Variants in CSNK1G2 observed in about 807,000 individuals in gnomAD.
The protein encoded by CSNK1G2 is casein kinase I isoform gamma-2.
CSNK1G2 carries 11 observed loss-of-function variants against 48.0 expected under a neutral mutation model. The observed-to-expected ratio is 0.23, with a 90% CI of 0.14 to 0.38. The LOEUF is 0.38. CSNK1G2 is among the 10% of genes least tolerant of loss of function. CSNK1G2 has a pLI of 1.00. For missense variants in CSNK1G2, 446 were observed against 595.5 expected (o/e 0.75, Z 2.61); for synonymous variants, 337 against 254.1 (o/e 1.33, Z -3.10).
chr19:1,952,456 G>A (rs1474592091), intron 1 of CSNK1G2: 2 of 152,250 alleles, frequency 1.3e-5, no homozygotes, highest in Non-Finnish European at 2.9e-5. Context: ...CCGAGTAGCT[G>A]GGATTACAGG....
chr19:1,965,217 A>C (rs1045710901), intron 1 of CSNK1G2, among the ~76,000 whole-genome samples: 3 of 150,168 alleles, frequency 2.0e-5, no homozygotes, highest in African/African-American at 7.3e-5. Flanking sequence ...CCGCGTCTCT[A>C]CTAAAAATAC....
chr19:1,976,425 T>C (rs1211685285), intron 2 of CSNK1G2, among the ~76,000 whole-genome samples: 1 of 152,198 alleles, frequency 6.6e-6, no homozygotes, highest in East Asian at 1.9e-4. Flanking sequence ...TTTAGGGAAC[T>C]TGACAAGCTG....
chr19:1,979,391 G>A lies in CSNK1G2; in HGVS notation c.841G>A (p.Glu281Lys), dbSNP rs750798326. ...KRATPIEVLC[E>K]NFPEEMATYL... ...CGCCACGCCCATCGAGGTGCTCTGC[G>A]AGAACTTCCCAGGTAAGGGGTCCCT... Residue 281 changes from glutamate (E) to lysine (K), a missense_variant, in exon 8 of 12, where the codon GAG (glutamate) becomes AAG (lysine). Coordinates refer to ENST00000255641, the MANE Select transcript of CSNK1G2 (RefSeq NM_001319.7). 7 of 1,591,248 alleles carry A rather than the reference G, an allele frequency of 4.4e-6. No homozygotes were observed. In the South Asian group the frequency reaches 5.7e-5, roughly 13 times the overall value.
Position 1,959,613 on chromosome 19 carries a change from C to T in CSNK1G2, c.-265-9895C>T, listed in dbSNP as rs1417894555. 8.9e-5 allele frequency among the ~76,000 whole-genome samples: 11 copies of T among 123,810 alleles called. 1 individual carries two copies. The highest frequency in any genetic ancestry group is 1.5e-4 in the Non-Finnish European group (9 of 60,558). The allele number at this position is 123,810 out of a possible 152,430, so 81.2% of individuals were successfully genotyped here. On this transcript the variant is annotated intron_variant, in intron 1 of 11. Transcript: ENST00000255641. Reference sequence around the variant, plus strand: ...ACCTTTAGTGCCACCCTGAGTCCCCCAGCACCCGTGCCACCTTTAGTGCCA... The same window carrying T: ...ACCTTTAGTGCCACCCTGAGTCCCCTAGCACCCGTGCCACCTTTAGTGCCA...
Position 1,968,328 on chromosome 19 carries a change from T to C in CSNK1G2, c.-265-1180T>C, listed in dbSNP as rs867796921. Among the ~76,000 whole-genome samples, 442 of 106,778 alleles carry C rather than the reference T, an allele frequency of 4.1e-3. 1 individual carries two copies. In the Middle Eastern group the frequency reaches 0.042, roughly 10 times the overall value. 70.1% of individuals were successfully genotyped at this position (106,778 alleles called of 152,430 possible). ...TCCTCCCTCCTCCCCAGGCTGCCCC[T>C]GACCACCCTTCAGTTCTGCAGGTGG... On this transcript the variant is annotated intron_variant, in intron 1 of 11. Transcript: ENST00000255641.
intron 1 of CSNK1G2, among the ~76,000 whole-genome samples, chr19:1,964,297 AAAAAAC>A (rs1316394914): frequency 6.7e-6 from 1 of 148,678 alleles, no homozygotes; most frequent in African/African-American, 2.6e-5. Context: ...TGTGTTAAAA[AAAAAAC>A]AAAAAAAAAC....
rs1295273220 is a variant in CSNK1G2, at chr19:1,975,763, C to T, written c.188-2542C>T. Reference sequence around the variant, plus strand: ...TAAAACTTCGAAATCTGACCAGGCACAGTGGCTCACGCCTGTAATCCCAAC... The same window carrying T: ...TAAAACTTCGAAATCTGACCAGGCATAGTGGCTCACGCCTGTAATCCCAAC... On this transcript the variant is annotated intron_variant, in intron 2 of 11. Transcript: ENST00000255641. 3.8e-5 allele frequency: 37 copies of T among 985,296 alleles called. No individual in the cohort carries two copies. In the Middle Eastern group the frequency reaches 2.6e-3, roughly 69 times the overall value. The allele number at this position is 985,296 out of a possible 1,614,324, so 61.0% of individuals were successfully genotyped here. A position where few individuals can be genotyped will look rare whatever the true frequency, so the allele number is the denominator to read the frequency against.
chr19:1,963,435 A>G (rs933766333), intron 1 of CSNK1G2, among the ~76,000 whole-genome samples: 12 of 151,280 alleles, frequency 7.9e-5, no homozygotes, highest in African/African-American at 2.4e-4. Context: ...GATGGTCTCT[A>G]TCTCCTGACC....
intron 8 of CSNK1G2, 31 bp downstream of exon 8, chr19:1,979,434 CCCCCA>C: frequency 1.0e-6 from 1 of 996,992 alleles, no homozygotes; most frequent in Non-Finnish European, 1.4e-6. Flanking sequence ...CGCCCTGTGC[CCCCCA>C]CCCCCCACCC....
chr19:1,971,334 C>T (rs1045630663), intron 2 of CSNK1G2, among the ~76,000 whole-genome samples: 9 of 152,204 alleles, frequency 5.9e-5, no homozygotes, highest in Non-Finnish European at 1.2e-4. Context: ...TCCACCTCTG[C>T]GCAGAGGCTG....
rs571930706 is a variant in CSNK1G2 at position 1,950,933 on chromosome 19, G to T, written c.-266+9515G>T. 8.2e-5 allele frequency among the ~76,000 whole-genome samples: 12 copies of T among 146,232 alleles called. 2 individuals are homozygous for T. The highest frequency in any genetic ancestry group is 3.4e-3 in the Middle Eastern group (1 of 292). The stretch of plus-strand genomic sequence containing the variant: ...GAGCTGGGCGTTTATTCGCCTTGGT[G>T]CCCCCCTAGATCCCTGGGTGATCCC... On this transcript the variant is annotated intron_variant, in intron 1 of 11. Coordinates refer to ENST00000255641, the MANE Select transcript of CSNK1G2 (RefSeq NM_001319.7).
At chr19:1,941,631 C>G (rs868732711) in intron 1 of CSNK1G2, among the ~76,000 whole-genome samples, 1 of 149,416 alleles carries the variant, frequency 6.7e-6, no homozygotes, top group African/African-American at 2.5e-5. Flanking sequence ...CGCAACACCC[C>G]GTTGACCCTG....
chr19:1,952,345 C>T (rs2014795876), intron 1 of CSNK1G2, among the ~76,000 whole-genome samples: 1 of 151,220 alleles, frequency 6.6e-6, no homozygotes, highest in South Asian at 2.1e-4. Flanking sequence ...TTTCTTGAGA[C>T]AGAGTCTTGC....
At chr19:1,946,512 C>A (rs1053568841) in intron 1 of CSNK1G2, among the ~76,000 whole-genome samples, 1 of 150,874 alleles carries the variant, frequency 6.6e-6, no homozygotes, top group Non-Finnish European at 1.5e-5. Flanking sequence ...AGGATGGTCT[C>A]GATCTCCTGA....
Position 1,980,659 on chromosome 19 carries a change from C to T in CSNK1G2, c.*456C>T. The T allele has an allele frequency of 4.7e-6, 1 of 211,822 alleles. No homozygotes were observed. The highest frequency in any genetic ancestry group is 9.7e-6 in the Non-Finnish European group (1 of 102,740). The allele number at this position is 211,822 out of a possible 1,614,324, so 13.1% of individuals were successfully genotyped here. ...TTTCTCGAGGGGAGGGCAGGCCCGGCCTGGAGGGGTGCTGTGGAGCTGTCT... is the reference window on the plus strand; with the variant it reads ...TTTCTCGAGGGGAGGGCAGGCCCGGTCTGGAGGGGTGCTGTGGAGCTGTCT... On this transcript the variant is annotated 3_prime_UTR_variant, in exon 12 of 12. Coordinates refer to ENST00000255641, the MANE Select transcript of CSNK1G2 (RefSeq NM_001319.7).
Position 1,981,318 on chromosome 19 carries a change from T to G in CSNK1G2, c.*1115T>G, listed in dbSNP as rs943595427. The G allele has an allele frequency of 6.6e-6, 1 of 152,022 alleles. No individual in the cohort carries two copies. Among genetic ancestry groups the G allele is most frequent in the African/African-American group, 2.4e-5 (1 of 41,378 alleles). 9.4% of individuals were successfully genotyped at this position (152,022 alleles called of 1,614,324 possible). On this transcript the variant is annotated 3_prime_UTR_variant, in exon 12 of 12. Transcript: ENST00000255641. ...GAATTTAGGGGCTTTTTTAAAAAAA[T>G]AAAAGAAAAATGAAACCAAACCCAA... is the stretch of plus-strand genomic sequence containing the variant.
At chr19:1,974,908 G>C (rs147739811) in intron 2 of CSNK1G2, among the ~76,000 whole-genome samples, 2 of 152,296 alleles carry the variant, frequency 1.3e-5, no homozygotes, top group Admixed American at 6.5e-5. Flanking sequence ...AGGCCCCGTG[G>C]GCTCTCCTGC....
chr19:1,964,506 C>T (rs1392903348), intron 1 of CSNK1G2, among the ~76,000 whole-genome samples: 3 of 152,082 alleles, frequency 2.0e-5, no homozygotes, highest in South Asian at 2.1e-4. Flanking sequence ...CCACCCTCTT[C>T]ACCCTCTTGT....
intron 1 of CSNK1G2, among the ~76,000 whole-genome samples, chr19:1,961,716 C>G (rs1453454063): frequency 6.6e-6 from 1 of 152,248 alleles, no homozygotes; most frequent in Non-Finnish European, 1.5e-5. Flanking sequence ...TGAGGAGATT[C>G]CTCCCCCAAA....
Sources: gnomAD v4.1 joint callset for allele counts (sites outside exome capture counted in the v4.1 genomes callset) on GRCh38, gnomAD v4.1.1 for gene constraint, MANE v1.5 for transcripts, NCBI Gene and HGNC (gene_info 2026-07-23, HGNC 2026-07-21) for gene names.